The following SPATA6L variants were observed in gnomAD, a reference collection of about 807,000 sequenced individuals.
SPATA6L encodes spermatogenesis associated 6-like protein.
A neutral mutation model predicts 49.2 loss-of-function variants in SPATA6L; 68 were observed. The ratio of observed to expected loss-of-function variants is 1.38; its 90% CI spans 1.14 to 1.69. SPATA6L has a LOEUF of 1.69. Ranked by LOEUF, SPATA6L falls within the 40% of genes most tolerant of loss-of-function variation. SPATA6L has a pLI of 0.00. For synonymous variants in SPATA6L, 198 were observed against 165.7 expected, an observed-to-expected ratio of 1.19 and a Z score of -1.50; for missense variants, 668 against 464.3, an observed-to-expected ratio of 1.44 and a Z score of -4.03.
chr9:4,618,992 T>G lies in SPATA6L; in HGVS notation c.773-94A>C, dbSNP rs1256222114. 4.5e-6 allele frequency: 5 copies of G among 1,118,334 alleles called. No homozygotes were observed. In the African/African-American group the frequency reaches 7.9e-5, roughly 18 times the overall value. The allele number at this position is 1,118,334 out of a possible 1,614,324, so 69.3% of individuals were successfully genotyped here. ...TTTATTCTACAGCAGTACAAAAATT[T>G]TAGACAATGAATTAATTATTTAAAA... On this transcript the variant is annotated intron_variant, in intron 7 of 11. Coordinates refer to ENST00000682582, the MANE Select transcript of SPATA6L (RefSeq NM_001353486.2).
Position 4,600,302 on chromosome 9 carries a change from T to C in SPATA6L, c.*509A>G, listed in dbSNP as rs546650551. Among the ~76,000 whole-genome samples the C allele has an allele frequency of 6.6e-6, 1 of 152,288 alleles. No individual in the cohort carries two copies. Among genetic ancestry groups the C allele is most frequent in the East Asian group, 1.9e-4 (1 of 5,192 alleles). ...ATGCTCTCTTTTCCAAGGTTTTTAG[T>C]GGACTTCACGTAAATCAAGCCTAAC... On this transcript the variant is annotated 3_prime_UTR_variant, in exon 12 of 12. Transcript: ENST00000682582.
Position 4,662,053 on chromosome 9 carries a change from A to G in SPATA6L, c.40-17T>C. The stretch of plus-strand genomic sequence containing the variant: ...GCAAGAAATCTTAAAAAGAAAGAAA[A>G]CAACAAACAAGGGAGAGAAAACAGA... On this transcript the variant is annotated splice_polypyrimidine_tract_variant and intron_variant, in intron 1 of 11. Coordinates refer to ENST00000682582, the MANE Select transcript of SPATA6L (RefSeq NM_001353486.2). This position sits in a 1 kb window ranked among gnomAD's most constrained non-coding sequence, Gnocchi z 4.9. The G allele has an allele frequency of 6.2e-7, 1 of 1,612,684 alleles. No homozygotes were observed. Among genetic ancestry groups the G allele is most frequent in the Middle Eastern group, 1.7e-4 (1 of 6,058 alleles).
chr9:4,643,166 C>G (rs539063610), intron 3 of SPATA6L, among the ~76,000 whole-genome samples: 1 of 152,158 alleles, frequency 6.6e-6, no homozygotes, highest in Non-Finnish European at 1.5e-5. Flanking sequence ...TGACATCATT[C>G]CCAGCTAATT....
intron 4 of SPATA6L, 61 bp from the exon 5 acceptor site, chr9:4,629,229 T>G: frequency 8.4e-7 from 1 of 1,194,736 alleles, no homozygotes; most frequent in Non-Finnish European, 1.2e-6. Context: ...AGCCATCTCC[T>G]TCTAACTTGA....
chr9:4,606,524 C>T lies in SPATA6L; in HGVS notation c.996-1084G>A, dbSNP rs532879113. ...CGAGCAGCCTAACTGGGAGGCACCC[C>T]CCAGCAGGGGCACACTGACACCTCA... On this transcript the variant is annotated intron_variant, in intron 9 of 11. Transcript: ENST00000682582. Among the ~76,000 whole-genome samples, 4 of 39,326 alleles carry T rather than the reference C, an allele frequency of 1.0e-4. 2 individuals carry two copies. The highest frequency in any genetic ancestry group is 2.5e-4 in the Non-Finnish European group (4 of 16,258). 25.8% of individuals were successfully genotyped at this position (39,326 alleles called of 152,430 possible). A position where few individuals can be genotyped will look rare whatever the true frequency, so the allele number is the denominator to read the frequency against.
intron 3 of SPATA6L, among the ~76,000 whole-genome samples, chr9:4,650,018 T>C (rs1179600024): frequency 6.6e-6 from 1 of 152,232 alleles, no homozygotes; most frequent in Non-Finnish European, 1.5e-5. Context: ...AACTTGGGTA[T>C]TGAATCTACT....
At chr9:4,656,186 C>G (rs1373357930) in intron 2 of SPATA6L, 97 bp from the exon 3 acceptor site, 6 of 1,026,760 alleles carry the variant, frequency 5.8e-6, no homozygotes, top group Non-Finnish European at 8.8e-6. Context: ...CACCTGTAAT[C>G]CTAGCACTTT....
downstream of SPATA6L, among the ~76,000 whole-genome samples, chr9:4,594,036 G>C (rs1047635183): frequency 6.6e-6 from 1 of 152,178 alleles, no homozygotes; most frequent in Non-Finnish European, 1.5e-5. Context: ...GTCTACAGCT[G>C]CCCTTGGTTT....
chr9:4,645,865 T>A (rs1447121437), intron 3 of SPATA6L, among the ~76,000 whole-genome samples: 1 of 152,174 alleles, frequency 6.6e-6, no homozygotes, highest in Non-Finnish European at 1.5e-5. Flanking sequence ...TGCTAATAAA[T>A]ACAGAATTTC....
intron 4 of SPATA6L, among the ~76,000 whole-genome samples, chr9:4,631,209 C>G (rs1275038863): frequency 3.9e-5 from 6 of 152,152 alleles, no homozygotes; most frequent in Admixed American, 6.5e-5. Context: ...AATTCAGAGA[C>G]TATATCTCAT....
At position 4,622,327 on chromosome 9, in the gene SPATA6L, A is replaced by G. The variant is rs1034557060; in HGVS notation, c.772+81T>C. 1.2e-5 allele frequency: 10 copies of G among 843,244 alleles called. No individual in the cohort carries two copies. In the Admixed American group the frequency reaches 1.8e-4, roughly 15 times the overall value. The allele number at this position is 843,244 out of a possible 1,614,324, so 52.2% of individuals were successfully genotyped here. On this transcript the variant is annotated intron_variant, in intron 7 of 11. Coordinates refer to ENST00000682582, the MANE Select transcript of SPATA6L (RefSeq NM_001353486.2). ...CTCACAGTTCTGAACATCACCTGTGATTCCTCAGAATGAAAGAGTATACTC... is the reference window on the plus strand; with the variant it reads ...CTCACAGTTCTGAACATCACCTGTGGTTCCTCAGAATGAAAGAGTATACTC...
Position 4,590,134 on chromosome 9 carries a change from G to C in SPATA6L, c.*255-1173C>G, listed in dbSNP as rs193130684. Among the ~76,000 whole-genome samples, 271 of 152,256 alleles carry C rather than the reference G, an allele frequency of 1.8e-3. 3 individuals carry two copies. Among genetic ancestry groups the C allele is most frequent in the African/African-American group, 6.2e-3 (259 of 41,532 alleles). On this transcript the variant is annotated intron_variant and NMD_transcript_variant, in intron 13 of 13. Coordinates refer to the SPATA6L transcript ENST00000461761. ...AGACAGGGTTTCACCATGTCGGCCA[G>C]GCTGGTCTCAAACTCCTGACCTCAG...
At chr9:4,641,990 A>T (rs1405410403) in intron 3 of SPATA6L, among the ~76,000 whole-genome samples, 1 of 151,742 alleles carries the variant, frequency 6.6e-6, no homozygotes, top group Non-Finnish European at 1.5e-5. Flanking sequence ...CTGTACCTGA[A>T]CTCCTGTGCT....
In SPATA6L at chr9:4,606,209, G is replaced by A. The variant is rs371428878; in HGVS notation, c.996-769C>T. On this transcript the variant is annotated intron_variant, in intron 9 of 11. Coordinates refer to ENST00000682582, the MANE Select transcript of SPATA6L (RefSeq NM_001353486.2). ...TCTGAGATCAAACTGCAAGGCGGCAGCGAGGCTGGGGGAGGGGCGCCCGCC... is the reference window on the plus strand; with the variant it reads ...TCTGAGATCAAACTGCAAGGCGGCAACGAGGCTGGGGGAGGGGCGCCCGCC... Among the ~76,000 whole-genome samples the A allele has an allele frequency of 6.4e-3, 961 of 149,816 alleles. 15 individuals carry two copies. The highest frequency in any genetic ancestry group is 0.024 in the South Asian group (113 of 4,728).
intron 3 of SPATA6L, among the ~76,000 whole-genome samples, chr9:4,643,625 G>T (rs1029051952): frequency 1.3e-5 from 2 of 152,098 alleles, no homozygotes; most frequent in Non-Finnish European, 2.9e-5. Flanking sequence ...AGTAAGAAAA[G>T]TAAAACCCAA....
chr9:4,653,783 A>C (rs1384422213), intron 3 of SPATA6L, among the ~76,000 whole-genome samples: 1 of 152,148 alleles, frequency 6.6e-6, no homozygotes, highest in Non-Finnish European at 1.5e-5. Context: ...AAACAAAAAC[A>C]AAAAATAGCT....
intron 5 of SPATA6L, chr9:4,627,684 C>A: frequency 8.0e-7 from 1 of 1,245,388 alleles, no homozygotes; most frequent in Non-Finnish European, 1.0e-6. Context: ...GGGAGGCAGA[C>A]ACTAGGACTG....
At chr9:4,632,018 C>T (rs184263325) in intron 4 of SPATA6L, among the ~76,000 whole-genome samples, 58 of 149,012 alleles carry the variant, frequency 3.9e-4, no homozygotes, top group Middle Eastern at 6.9e-3. Flanking sequence ...AGTGAGCACA[C>T]AGTGAACATC....
intron 1 of SPATA6L, chr9:4,663,403 A>G (rs1279716740): frequency 3.3e-6 from 3 of 906,202 alleles, no homozygotes; most frequent in East Asian, 4.8e-5. Flanking sequence ...CATGATCTTG[A>G]TGTGCTGCTA....
Sources: gnomAD v4.1 joint callset for allele counts (sites outside exome capture counted in the v4.1 genomes callset) on GRCh38, gnomAD v4.1.1 for gene constraint, Gnocchi (gnomAD v3.1) non-coding constraint, MANE v1.5 for transcripts, NCBI Gene and HGNC (gene_info 2026-07-23, HGNC 2026-07-21) for gene names.